CDYL2: variants seen among roughly 807,000 people sequenced by gnomAD.
The protein encoded by CDYL2 is chromodomain Y-like protein 2.
In CDYL2, 23 loss-of-function variants were observed where a neutral mutation model predicts 49.4. That is an observed-to-expected ratio of 0.47 (90% CI 0.34 to 0.66). The LOEUF is 0.66. CDYL2 is among the 30% of genes least tolerant of loss of function. CDYL2 has a pLI of 0.01. For missense variants in CDYL2, 678 were observed against 656.4 expected (o/e 1.03, Z -0.36); for synonymous variants, 360 against 268.8 (o/e 1.34, Z -3.32).
intron 6 of CDYL2, among the ~76,000 whole-genome samples, 194 bp from the exon 7 acceptor site, chr16:80,604,740 C>T (rs1355641166): frequency 1.3e-5 from 2 of 152,184 alleles, no homozygotes; most frequent in African/African-American, 4.8e-5. Context: ...AAGACGTGAA[C>T]ACTGTGAGGC....
At chr16:80,689,069 T>TATGAATGA (rs3077555) in intron 1 of CDYL2, among the ~76,000 whole-genome samples, 1,685 of 152,132 alleles carry the variant, frequency 0.011, 27 homozygotes, top group African/African-American at 0.038. Flanking sequence ...TATTTGCACA[T>TATGAATGA]ATGAATGAAT....
intron 1 of CDYL2, among the ~76,000 whole-genome samples, chr16:80,800,686 T>C (rs1170622505): frequency 1.3e-5 from 2 of 150,684 alleles, no homozygotes; most frequent in South Asian, 4.2e-4. Flanking sequence ...AAAAAGACAA[T>C]AGAGGGTAAC....
chr16:80,699,348 T>C (rs1245670971), intron 1 of CDYL2, among the ~76,000 whole-genome samples: 1 of 152,242 alleles, frequency 6.6e-6, no homozygotes, highest in African/African-American at 2.4e-5. Context: ...AAGTATGAGA[T>C]TCTATCACTT....
chr16:80,617,973 G>T (rs1597126413), intron 4 of CDYL2, among the ~76,000 whole-genome samples: 1 of 152,312 alleles, frequency 6.6e-6, no homozygotes, highest in South Asian at 2.1e-4. Context: ...TCCCCTGGGG[G>T]TGTTGCCAAG....
intron 1 of CDYL2, chr16:80,735,114 C>T (rs1206143510): frequency 6.6e-6 from 1 of 152,210 alleles, no homozygotes; most frequent in Admixed American, 6.5e-5. Flanking sequence ...TCTGTCCACC[C>T]TCAAGGGTGA....
At chr16:80,760,276 C>T (rs556536940) in intron 1 of CDYL2, among the ~76,000 whole-genome samples, 2 of 152,264 alleles carry the variant, frequency 1.3e-5, no homozygotes, top group African/African-American at 2.4e-5. Flanking sequence ...AGTTCACTGC[C>T]TCTGGCTCAT....
chr16:80,690,347 A>AC (rs575198773), intron 1 of CDYL2, among the ~76,000 whole-genome samples: 166 of 151,870 alleles, frequency 1.1e-3, no homozygotes, highest in African/African-American at 3.9e-3. Flanking sequence ...AAGGGAGACC[A>AC]CCCCCTCCTC....
chr16:80,685,236 T>C (rs1031777205), intron 1 of CDYL2, 107 bp from the exon 2 acceptor site: 1 of 843,176 alleles, frequency 1.2e-6, no homozygotes, highest in Non-Finnish European at 1.9e-6. Context: ...GCATCTACCC[T>C]AGCCAGGGGG....
chr16:80,635,063 G>A (rs1385163213), intron 2 of CDYL2, among the ~76,000 whole-genome samples: 2 of 152,012 alleles, frequency 1.3e-5, no homozygotes, highest in Admixed American at 6.6e-5. Context: ...GAACACAGAT[G>A]GAAAAATAAT....
At chr16:80,611,957 G>A (rs1188418592) in intron 5 of CDYL2, among the ~76,000 whole-genome samples, 5 of 152,240 alleles carry the variant, frequency 3.3e-5, no homozygotes, top group Admixed American at 1.3e-4. Flanking sequence ...TGAGCTTAAC[G>A]TTCCATCTGT....
At chr16:80,745,155 A>C (rs1905882252) in intron 1 of CDYL2, among the ~76,000 whole-genome samples, 1 of 152,178 alleles carries the variant, frequency 6.6e-6, no homozygotes, top group African/African-American at 2.4e-5. Flanking sequence ...TCAACAAACC[A>C]ATCAAGGTGA....
chr16:80,691,831 G>A (rs1257185128), intron 1 of CDYL2, among the ~76,000 whole-genome samples: 1 of 151,958 alleles, frequency 6.6e-6, no homozygotes, highest in African/African-American at 2.4e-5. Context: ...GAAGGAAGCT[G>A]AAATGAAAAA....
At chr16:80,712,022 T>C (rs146903246) in intron 1 of CDYL2, among the ~76,000 whole-genome samples, 140 of 151,046 alleles carry the variant, frequency 9.3e-4, no homozygotes, top group Non-Finnish European at 1.6e-3. Flanking sequence ...TGTGTGTATA[T>C]ATATGTGTGT....
At chr16:80,682,450 G>C (rs1910003982) in intron 2 of CDYL2, among the ~76,000 whole-genome samples, 1 of 152,206 alleles carries the variant, frequency 6.6e-6, no homozygotes, top group Admixed American at 6.5e-5. Context: ...CATCAGCAAA[G>C]CCGAAGGGTG....
chr16:80,620,973 C>T, intron 3 of CDYL2, 38 bp from the exon 4 acceptor site: 2 of 1,535,908 alleles, frequency 1.3e-6, no homozygotes, highest in South Asian at 1.2e-5. Flanking sequence ...TGTTAAGTGT[C>T]TATCCTGTAA....
intron 4 of CDYL2, among the ~76,000 whole-genome samples, chr16:80,618,696 T>TCAACCAGGGCAAG (rs1906942547): frequency 6.6e-6 from 1 of 152,168 alleles, no homozygotes; most frequent in Non-Finnish European, 1.5e-5. Context: ...CTCATCACCG[T>TCAACCAGGGCAAG]CAACCCAGGG....
intron 2 of CDYL2, among the ~76,000 whole-genome samples, chr16:80,681,455 C>G (rs968725396): frequency 2.0e-4 from 30 of 152,200 alleles, no homozygotes; most frequent in Admixed American, 1.6e-3. Context: ...ACACGTTTTG[C>G]TGGACTACAC....
intron 1 of CDYL2, among the ~76,000 whole-genome samples, chr16:80,797,352 C>T (rs1403302438): frequency 2.6e-5 from 4 of 152,162 alleles, no homozygotes; most frequent in African/African-American, 9.7e-5. Flanking sequence ...GAAATTATAC[C>T]TTAACTCTTG....
chr16:80,667,183 C>G (rs1909302545), intron 2 of CDYL2, among the ~76,000 whole-genome samples: 1 of 152,166 alleles, frequency 6.6e-6, no homozygotes, highest in Non-Finnish European at 1.5e-5. Context: ...GGGAGGCATT[C>G]AGACAGAGGG....
Sources: allele counts gnomAD v4.1 joint callset (sites outside exome capture counted in the v4.1 genomes callset), GRCh38; gene constraint gnomAD v4.1.1; transcripts MANE v1.5; gene names NCBI Gene and HGNC (gene_info 2026-07-23, HGNC 2026-07-21).